The following PTPRD variants were observed in gnomAD, a reference collection of about 807,000 sequenced individuals.
PTPRD encodes the protein receptor-type tyrosine-protein phosphatase delta.
Under a neutral mutation model 214.5 loss-of-function variants are expected in PTPRD, and 34 were observed. The ratio of observed to expected loss-of-function variants is 0.16; its 90% CI spans 0.12 to 0.21. The LOEUF is 0.21. Among genes scored for constraint, PTPRD ranks in the 10% least tolerant of loss-of-function variants. PTPRD has a pLI of 1.00. For missense variants in PTPRD, 2,545 were observed against 2,398.7 expected, an observed-to-expected ratio of 1.06 and a Z score of -1.27; for synonymous variants, 1,128 against 845.7, an observed-to-expected ratio of 1.33 and a Z score of -5.79.
chr9:9,462,623 CGTT>C (rs1569568540), intron 8 of PTPRD, among the ~76,000 whole-genome samples: 1 of 152,074 alleles, frequency 6.6e-6, no homozygotes, highest in Non-Finnish European at 1.5e-5. Flanking sequence ...CTAGTTGCCT[CGTT>C]GTTTTGCAGA....
chr9:10,079,129 C>G (rs1458731943), intron 3 of PTPRD, among the ~76,000 whole-genome samples: 3 of 151,904 alleles, frequency 2.0e-5, no homozygotes, highest in Non-Finnish European at 4.4e-5. Flanking sequence ...TCTTTTATTG[C>G]TATCCCTCCC....
At chr9:9,956,967 C>T (rs530043929) in intron 4 of PTPRD, among the ~76,000 whole-genome samples, 2 of 151,912 alleles carry the variant, frequency 1.3e-5, no homozygotes, top group African/African-American at 2.4e-5. Flanking sequence ...AATCAGTGCC[C>T]GTAACTAGCT....
chr9:9,802,818 T>C (rs1269420394), intron 5 of PTPRD, among the ~76,000 whole-genome samples: 10 of 151,840 alleles, frequency 6.6e-5, no homozygotes, highest in Non-Finnish European at 1.2e-4. Context: ...CAGAAAAAAA[T>C]TCTAATGAAA....
chr9:9,819,996 A>G (rs930089218), intron 5 of PTPRD, among the ~76,000 whole-genome samples: 9 of 152,148 alleles, frequency 5.9e-5, no homozygotes, highest in African/African-American at 2.2e-4. Context: ...TGCTTTGGAT[A>G]TATACCAAGT....
chr9:8,389,091 T>A lies in PTPRD; in HGVS notation c.4386+141A>T, dbSNP rs189269446. 4.6e-4 allele frequency: 264 copies of A among 579,796 alleles called. 1 individual carries two copies. The highest frequency in any genetic ancestry group is 1.9e-3 in the Middle Eastern group (4 of 2,080). 35.9% of individuals were successfully genotyped at this position (579,796 alleles called of 1,614,324 possible). On this transcript the variant is annotated intron_variant, in intron 37 of 45. Coordinates refer to ENST00000381196, the MANE Select transcript of PTPRD (RefSeq NM_002839.4). ...GTTTTAAAGAATGGTTTAATTAGAG[T>A]TGTTGATGCCCATTCATAATTAGTA...
intron 3 of PTPRD, among the ~76,000 whole-genome samples, chr9:10,089,135 A>T (rs2098398302): frequency 6.6e-6 from 1 of 151,324 alleles, no homozygotes; most frequent in Non-Finnish European, 1.5e-5. Context: ...TAAGCCTAGG[A>T]GTTTGAGGTT....
At chr9:8,669,737 T>G (rs972945327) in intron 12 of PTPRD, among the ~76,000 whole-genome samples, 11 of 152,088 alleles carry the variant, frequency 7.2e-5, no homozygotes, top group Non-Finnish European at 1.6e-4. Flanking sequence ...CCAGGAAAAG[T>G]AGGCTGGAGT....
intron 30 of PTPRD, 137 bp from the exon 31 acceptor site, chr9:8,471,222 T>C: frequency 1.5e-6 from 1 of 684,158 alleles, no homozygotes; most frequent in Non-Finnish European, 2.6e-6. Context: ...CTTACATCAA[T>C]GACAAATATC....
rs138753644 is a variant in PTPRD, at chr9:10,178,888, T to C, written c.-544-145098A>G. On this transcript the variant is annotated intron_variant, in intron 3 of 45. Transcript: ENST00000381196. ...ATGTCCCGGTTGAAACTACAATATA[T>C]AGATAAGTAAAAATGTATTTCTATG... 2.3e-3 allele frequency among the ~76,000 whole-genome samples: 352 copies of C among 151,966 alleles called. 1 individual carries two copies. Among genetic ancestry groups the C allele is most frequent in the African/African-American group, 8.2e-3 (340 of 41,496 alleles).
At chr9:10,515,005 G>C (rs1174539584) in intron 2 of PTPRD, among the ~76,000 whole-genome samples, 1 of 151,998 alleles carries the variant, frequency 6.6e-6, no homozygotes, top group Non-Finnish European at 1.5e-5. Flanking sequence ...GGAAAAAAGA[G>C]AGATTGTTAG....
intron 2 of PTPRD, among the ~76,000 whole-genome samples, chr9:10,503,615 T>C (rs961261435): frequency 6.6e-6 from 1 of 152,090 alleles, no homozygotes; most frequent in Non-Finnish European, 1.5e-5. Flanking sequence ...GCAGGTACTA[T>C]TGGATATTGG....
intron 3 of PTPRD, among the ~76,000 whole-genome samples, chr9:10,309,661 G>A (rs1048648215): frequency 6.6e-6 from 1 of 151,592 alleles, no homozygotes; most frequent in East Asian, 1.9e-4. Context: ...CACCACACCT[G>A]GCGCCAACTA....
At chr9:9,179,705 C>G (rs374098362) in intron 10 of PTPRD, among the ~76,000 whole-genome samples, 167 of 152,082 alleles carry the variant, frequency 1.1e-3, no homozygotes, top group African/African-American at 3.8e-3. Flanking sequence ...TAATGGAAAC[C>G]TGATTCTTTT....
At chr9:8,786,071 A>G (rs1428833524) in intron 11 of PTPRD, among the ~76,000 whole-genome samples, 2 of 133,898 alleles carry the variant, frequency 1.5e-5, no homozygotes, top group Non-Finnish European at 3.3e-5. Context: ...GTGTGTGTGT[A>G]CCTCATACAC....
intron 11 of PTPRD, among the ~76,000 whole-genome samples, chr9:8,816,629 T>C (rs1175380331): frequency 6.6e-6 from 1 of 152,212 alleles, no homozygotes; most frequent in Admixed American, 6.5e-5. Context: ...ATATAGAAAG[T>C]ATAACTCAAC....
intron 5 of PTPRD, among the ~76,000 whole-genome samples, chr9:9,926,847 A>G (rs576835877): frequency 6.6e-6 from 1 of 152,276 alleles, no homozygotes; most frequent in Admixed American, 6.5e-5. Context: ...TAAGCTGTAC[A>G]TTTTCAGTGT....
chr9:10,349,534 G>A (rs12342122), intron 2 of PTPRD, among the ~76,000 whole-genome samples: 35,050 of 151,788 alleles, frequency 0.23, 4,109 homozygotes, highest in South Asian at 0.28. Context: ...TCTATTTGAT[G>A]TCCTGTGGAT....
intron 14 of PTPRD, among the ~76,000 whole-genome samples, chr9:8,539,328 A>C (rs2077761415): frequency 1.3e-5 from 2 of 152,008 alleles, no homozygotes; most frequent in East Asian, 3.9e-4. Context: ...TGCAGTATGC[A>C]ATTAGAAACC....
chr9:10,195,290 G>C (rs536617282), intron 3 of PTPRD, among the ~76,000 whole-genome samples: 2 of 152,014 alleles, frequency 1.3e-5, no homozygotes, highest in South Asian at 4.2e-4. Context: ...GGAAGGTAAT[G>C]ATTGAGCCTA....
Sources: allele counts gnomAD v4.1 joint callset (sites outside exome capture counted in the v4.1 genomes callset), GRCh38; gene constraint gnomAD v4.1.1; transcripts MANE v1.5; gene names NCBI Gene and HGNC (gene_info 2026-07-23, HGNC 2026-07-21).